SIPA1L3: variants seen among roughly 807,000 people sequenced by gnomAD.
SIPA1L3 encodes the protein signal induced proliferation associated 1 like 3.
SIPA1L3 carries 59 observed loss-of-function variants against 150.1 expected under a neutral mutation model. The observed-to-expected ratio is 0.39, with a 90% confidence interval of 0.32 to 0.49. The LOEUF (loss-of-function observed/expected upper bound fraction) is 0.49, where lower values mean the gene tolerates loss of function less well. Among genes scored for constraint, SIPA1L3 ranks in the 20% least tolerant of loss-of-function variants. The pLI is 0.86. For missense variants in SIPA1L3, 2,211 were observed against 2,489.5 expected, an observed-to-expected ratio of 0.89 and a Z score of 2.38; for synonymous variants, 1,070 against 1,077.6, an observed-to-expected ratio of 0.99 and a Z score of 0.14.
intron 6 of SIPA1L3, among the ~76,000 whole-genome samples, chr19:38,104,498 C>T (rs185999113): frequency 2.0e-5 from 3 of 152,268 alleles, no homozygotes; most frequent in Non-Finnish European, 4.4e-5. Flanking sequence ...CCTAGGTGGG[C>T]GGGGAGGCAG....
At chr19:38,123,561 CAG>C (rs1363271679) in intron 9 of SIPA1L3, among the ~76,000 whole-genome samples, 1 of 146,988 alleles carries the variant, frequency 6.8e-6, no homozygotes, top group Non-Finnish European at 1.5e-5. Context: ...GCACATGTTT[CAG>C]AGAGCACAGG....
intron 1 of SIPA1L3, among the ~76,000 whole-genome samples, chr19:37,968,074 TTTC>T (rs1368927221): frequency 6.6e-6 from 1 of 151,370 alleles, no homozygotes; most frequent in African/African-American, 2.4e-5. Flanking sequence ...TCTTTCTTTC[TTTC>T]TTTCTTTCTT....
intron 3 of SIPA1L3, among the ~76,000 whole-genome samples, chr19:38,085,308 G>A (rs1970100915): frequency 6.6e-6 from 1 of 151,860 alleles, no homozygotes; most frequent in Non-Finnish European, 1.5e-5. Context: ...GTGAAACCCT[G>A]TCTCTACTAA....
intron 6 of SIPA1L3, among the ~76,000 whole-genome samples, chr19:38,105,376 A>G (rs978751054): frequency 6.6e-6 from 1 of 151,786 alleles, no homozygotes; most frequent in African/African-American, 2.4e-5. Context: ...AAAAAAAAAA[A>G]AAGAACAGAT....
At chr19:38,145,534 CAAAAAAAAAA>C (rs35073920) in intron 12 of SIPA1L3, among the ~76,000 whole-genome samples, 1 of 94,300 alleles carries the variant, frequency 1.1e-5, no homozygotes, top group Non-Finnish European at 2.1e-5. Context: ...AACTCCGTCT[CAAAAAAAAAA>C]AAAAAAAAAA....
intron 21 of SIPA1L3, among the ~76,000 whole-genome samples, chr19:38,204,829 A>T (rs1973173029): frequency 6.6e-6 from 1 of 152,222 alleles, no homozygotes; most frequent in Non-Finnish European, 1.5e-5. Context: ...CCGTGACAGC[A>T]TGGGTACAAA....
chr19:38,097,579 G>A (rs768987739), intron 4 of SIPA1L3, among the ~76,000 whole-genome samples: 7 of 151,958 alleles, frequency 4.6e-5, no homozygotes, highest in Admixed American at 1.3e-4. Flanking sequence ...TTTTTTAGAC[G>A]GAGTTTCACT....
chr19:38,063,190 GT>G (rs1321987750), intron 2 of SIPA1L3, among the ~76,000 whole-genome samples: 1 of 152,168 alleles, frequency 6.6e-6, no homozygotes, highest in Non-Finnish European at 1.5e-5. Flanking sequence ...CAGCAGCTGG[GT>G]TTCCCCTCCA....
At chr19:38,147,871 G>A (rs1971734659) in intron 12 of SIPA1L3, among the ~76,000 whole-genome samples, 1 of 152,106 alleles carries the variant, frequency 6.6e-6, no homozygotes. Context: ...CTGCCAGGAC[G>A]TAACAGAGCC....
chr19:37,918,124 C>T (rs1455181382), intron 1 of SIPA1L3, among the ~76,000 whole-genome samples: 1 of 152,052 alleles, frequency 6.6e-6, no homozygotes, highest in Non-Finnish European at 1.5e-5. Flanking sequence ...TCTAGGTTTG[C>T]TGGAACCTGG....
chr19:38,096,981 G>C (rs578090039), intron 4 of SIPA1L3, among the ~76,000 whole-genome samples: 1 of 152,282 alleles, frequency 6.6e-6, no homozygotes, highest in Admixed American at 6.5e-5. Context: ...GGAGTAAAAC[G>C]TCAGCCTCTC....
chr19:38,106,718 C>G, intron 7 of SIPA1L3, 78 bp downstream of exon 7: 1 of 980,134 alleles, frequency 1.0e-6, no homozygotes, highest in Non-Finnish European at 1.6e-6. Flanking sequence ...CAGTTCTGTC[C>G]TGTGGATCAT....
chr19:38,010,326 G>C (rs2145679005), intron 1 of SIPA1L3, among the ~76,000 whole-genome samples: 1 of 151,724 alleles, frequency 6.6e-6, no homozygotes, highest in Admixed American at 6.6e-5. Flanking sequence ...GAGGATCACT[G>C]TAGTCCAGGA....
intron 1 of SIPA1L3, among the ~76,000 whole-genome samples, chr19:37,918,953 C>T (rs77825019): frequency 0.046 from 7,003 of 152,112 alleles, 199 homozygotes; most frequent in East Asian, 0.11. Context: ...CCTGTTGTGT[C>T]GCTGACTCTG....
At chr19:38,011,834 A>G (rs897247279) in intron 1 of SIPA1L3, among the ~76,000 whole-genome samples, 2 of 152,090 alleles carry the variant, frequency 1.3e-5, no homozygotes, top group African/African-American at 4.8e-5. Flanking sequence ...GAGGGATCTC[A>G]TGAAGTTGTT....
chr19:38,088,869 C>A lies in SIPA1L3; in HGVS notation c.1665+18C>A. 6.2e-7 allele frequency: 1 copy of A among 1,611,094 alleles called. No individual in the cohort carries two copies. Among genetic ancestry groups the A allele is most frequent in the South Asian group, 1.1e-5 (1 of 90,884 alleles). On this transcript the variant is annotated intron_variant, in intron 4 of 21. Transcript: ENST00000222345. The stretch of plus-strand genomic sequence containing the variant: ...CCCGCGAGGTAGGTCCCATCACTCT[C>A]GTTCTTATTAAAGAAATCATAGCCA...
intron 4 of SIPA1L3, among the ~76,000 whole-genome samples, chr19:38,093,554 C>A (rs1395823566): frequency 6.6e-6 from 1 of 152,188 alleles, no homozygotes; most frequent in East Asian, 1.9e-4. Flanking sequence ...GATGTTCCTT[C>A]CCAGGAGGTC....
chr19:37,999,533 T>A (rs1325296815), intron 1 of SIPA1L3, among the ~76,000 whole-genome samples: 1 of 152,136 alleles, frequency 6.6e-6, no homozygotes. Flanking sequence ...AACGTGCTCT[T>A]CATTCCGCTG....
At chr19:38,041,980 T>C (rs1344579969) in intron 2 of SIPA1L3, among the ~76,000 whole-genome samples, 1 of 152,232 alleles carries the variant, frequency 6.6e-6, no homozygotes, top group Non-Finnish European at 1.5e-5. Context: ...TTGCAAATAT[T>C]GTTTCCCAGT....
Sources: allele counts gnomAD v4.1 joint callset (sites outside exome capture counted in the v4.1 genomes callset), GRCh38; gene constraint gnomAD v4.1.1; transcripts MANE v1.5; gene names NCBI Gene and HGNC (gene_info 2026-07-23, HGNC 2026-07-21).